Variants in PDZD2 observed in about 807,000 individuals in gnomAD.
The protein encoded by PDZD2 is PDZ domain containing 2.
PDZD2 carries 90 observed loss-of-function variants against 220.7 expected under a neutral mutation model. That is an observed-to-expected ratio of 0.41 (90% CI 0.34 to 0.49). PDZD2 has a LOEUF of 0.49. Ranked by LOEUF, PDZD2 falls within the 20% of genes least tolerant of loss-of-function variation. PDZD2 has a pLI of 0.28. For missense variants in PDZD2, 3,174 were observed against 3,608.5 expected (o/e 0.88, Z 3.08); for synonymous variants, 1,375 against 1,450.5 (o/e 0.95, Z 1.18).
intron 2 of PDZD2, among the ~76,000 whole-genome samples, chr5:31,864,919 G>T (rs1274586489): frequency 7.1e-6 from 1 of 140,002 alleles, no homozygotes; most frequent in Non-Finnish European, 1.5e-5. Context: ...CGTAATCTCG[G>T]CTCACTTCAA....
intron 7 of PDZD2, among the ~76,000 whole-genome samples, chr5:32,039,772 G>A (rs1755889200): frequency 6.8e-6 from 1 of 146,344 alleles, no homozygotes; most frequent in African/African-American, 2.6e-5. Context: ...AGGAAGTGAG[G>A]AGCGTCTCTG....
At chr5:31,968,818 G>A (rs901942572) in intron 2 of PDZD2, among the ~76,000 whole-genome samples, 2 of 151,846 alleles carry the variant, frequency 1.3e-5, no homozygotes, top group African/African-American at 4.8e-5. Context: ...TTCAGCCTCC[G>A]GAACTGTGAG....
Position 32,063,601 on chromosome 5 carries a change from C to A in PDZD2, c.2451+2467C>A, listed in dbSNP as rs79971833. On this transcript the variant is annotated intron_variant, in intron 14 of 24. Transcript: ENST00000438447. Reference sequence around the variant, plus strand: ...TCCCTCCAGCCAGGGCGATTCAGATCATCTATTCTCATCCTATATCAAATT... The same window carrying A: ...TCCCTCCAGCCAGGGCGATTCAGATAATCTATTCTCATCCTATATCAAATT... Among the ~76,000 whole-genome samples, 730 of 152,300 alleles carry A rather than the reference C, an allele frequency of 4.8e-3. 15 individuals carry two copies. The highest frequency in any genetic ancestry group is 0.034 in the East Asian group (177 of 5,176).
intron 2 of PDZD2, among the ~76,000 whole-genome samples, chr5:31,863,933 T>A (rs1376779220): frequency 2.0e-5 from 3 of 152,224 alleles, no homozygotes; most frequent in African/African-American, 7.2e-5. Context: ...TATATATGCA[T>A]GTGAGCGTAA....
intron 2 of PDZD2, among the ~76,000 whole-genome samples, chr5:31,915,532 A>G: frequency 6.6e-6 from 1 of 152,202 alleles, no homozygotes; most frequent in East Asian, 1.9e-4. Flanking sequence ...CTGTGTCCCC[A>G]GGAGAAGGGC....
rs571810013 is a variant in PDZD2 at position 32,098,172 on chromosome 5, C to T, written c.7948-192C>T. ...ACTCAGGAGGCTGAGGCAGGAGAAT[C>T]GCTTGAACCCGGGAGGCTGAGATTG... On this transcript the variant is annotated intron_variant, in intron 22 of 24. Transcript: ENST00000438447. The surrounding 1 kb of genome is among the most constrained non-coding windows in gnomAD (Gnocchi z 4.1). Among the ~76,000 whole-genome samples, 1 of 152,226 alleles carries T rather than the reference C, an allele frequency of 6.6e-6. No individual in the cohort carries two copies. Among genetic ancestry groups the T allele is most frequent in the African/African-American group, 2.4e-5 (1 of 41,542 alleles).
chr5:32,077,410 T>C lies in PDZD2; in HGVS notation c.3538-52T>C, dbSNP rs764571949. ...CTCTATATATGATCTCATCTTACGGTGCAGAAAGCCTGAAAGTTATTTCAA... is the reference window on the plus strand; with the variant it reads ...CTCTATATATGATCTCATCTTACGGCGCAGAAAGCCTGAAAGTTATTTCAA... On this transcript the variant is annotated intron_variant, in intron 18 of 24. Coordinates refer to ENST00000438447, the MANE Select transcript of PDZD2 (RefSeq NM_178140.4). 1.3e-5 allele frequency: 21 copies of C among 1,596,228 alleles called. 1 individual carries two copies. In the Admixed American group the frequency reaches 3.3e-4, roughly 25 times the overall value.
At chr5:31,987,926 T>A (rs1176666681) in intron 3 of PDZD2, among the ~76,000 whole-genome samples, 1 of 152,182 alleles carries the variant, frequency 6.6e-6, no homozygotes, top group African/African-American at 2.4e-5. Context: ...AATCACCAAG[T>A]CCCCTCAACT....
chr5:31,815,866 C>G (rs1378189600), intron 2 of PDZD2, among the ~76,000 whole-genome samples: 1 of 151,978 alleles, frequency 6.6e-6, no homozygotes, highest in Non-Finnish European at 1.5e-5. Context: ...AGGCCAAGAG[C>G]ATGAAATTTA....
chr5:32,053,352 C>T (rs1738768732), intron 9 of PDZD2, among the ~76,000 whole-genome samples: 2 of 152,170 alleles, frequency 1.3e-5, no homozygotes, highest in African/African-American at 2.4e-5. Flanking sequence ...TCAAAATATT[C>T]ATTTTGATAT....
chr5:31,642,337 G>T (rs1170471360), intron 1 of PDZD2, among the ~76,000 whole-genome samples: 1 of 152,152 alleles, frequency 6.6e-6, no homozygotes, highest in African/African-American at 2.4e-5. Flanking sequence ...GAAGAGCTAT[G>T]CAGACAAGCC....
chr5:31,876,957 G>A (rs1483573244), intron 2 of PDZD2, among the ~76,000 whole-genome samples: 1 of 152,136 alleles, frequency 6.6e-6, no homozygotes, highest in Non-Finnish European at 1.5e-5. Flanking sequence ...TTTCACATTT[G>A]CATGCCTTGG....
chr5:31,764,279 C>T (rs1582952), intron 1 of PDZD2, among the ~76,000 whole-genome samples: 7,059 of 152,292 alleles, frequency 0.046, 360 homozygotes, highest in African/African-American at 0.13. Context: ...AGATGATAGT[C>T]TTTCTAGAGG....
intron 14 of PDZD2, 120 bp downstream of exon 14, chr5:32,061,254 A>C: frequency 1.3e-6 from 1 of 779,402 alleles, no homozygotes; most frequent in East Asian, 2.7e-5. Flanking sequence ...CGGGTGGTTC[A>C]TGTGGGAAAT....
intron 1 of PDZD2, among the ~76,000 whole-genome samples, chr5:31,724,602 C>CAAAAA (rs35523154): frequency 3.3e-5 from 2 of 61,004 alleles, no homozygotes; most frequent in Non-Finnish European, 5.9e-5. Context: ...AATTCCGTCT[C>CAAAAA]AAAAAAAAAA....
At chr5:31,741,478 G>A (rs902558923) in intron 1 of PDZD2, among the ~76,000 whole-genome samples, 2 of 151,990 alleles carry the variant, frequency 1.3e-5, no homozygotes, top group Non-Finnish European at 2.9e-5. Flanking sequence ...CAGCAGGTCT[G>A]AGTTCTAGTC....
intron 6 of PDZD2, among the ~76,000 whole-genome samples, chr5:32,025,692 C>T (rs1754603555): frequency 7.0e-6 from 1 of 142,826 alleles, no homozygotes. Flanking sequence ...ACCTCCACCT[C>T]CCGTTTCAAG....
intron 7 of PDZD2, among the ~76,000 whole-genome samples, chr5:32,047,952 T>C (rs1463282792): frequency 6.6e-6 from 1 of 152,216 alleles, no homozygotes; most frequent in African/African-American, 2.4e-5. Flanking sequence ...GGATAATGGT[T>C]ACCCTTGGGT....
At chr5:32,042,348 G>A (rs889734544) in intron 7 of PDZD2, among the ~76,000 whole-genome samples, 19 of 151,264 alleles carry the variant, frequency 1.3e-4, no homozygotes, top group Non-Finnish European at 2.7e-4. Context: ...GATCACCTGA[G>A]GTCAGGAGTT....
Sources: allele counts gnomAD v4.1 joint callset (sites outside exome capture counted in the v4.1 genomes callset), GRCh38; gene constraint gnomAD v4.1.1; non-coding constraint Gnocchi (gnomAD v3.1); transcripts MANE v1.5; gene names NCBI Gene and HGNC (gene_info 2026-07-23, HGNC 2026-07-21).